Variants in COL19A1 observed in about 807,000 individuals in gnomAD.
COL19A1 encodes collagen type XIX alpha 1 chain, also known as collagen alpha-1(XIX) chain.
Under a neutral mutation model 190.2 loss-of-function variants are expected in COL19A1, and 159 were observed. That is an observed-to-expected ratio of 0.84 (90% CI 0.73 to 0.95). The LOEUF is 0.95. Among genes scored for constraint, COL19A1 ranks in the 40% least tolerant of loss-of-function variants. The pLI is 0.00. For missense variants in COL19A1, 1,418 were observed against 1,431.9 expected (o/e 0.99, Z 0.16); for synonymous variants, 509 against 458.9 (o/e 1.11, Z -1.39).
chr6:69,891,645 A>G (rs1289544252), intron 2 of COL19A1, among the ~76,000 whole-genome samples: 2 of 152,178 alleles, frequency 1.3e-5, no homozygotes, highest in Non-Finnish European at 2.9e-5. Flanking sequence ...ATGAGTGCCA[A>G]AGTGACTTTC....
intron 12 of COL19A1, among the ~76,000 whole-genome samples, chr6:70,027,557 CTGTGTGTGTG>C (rs10585617): frequency 6.7e-6 from 1 of 150,248 alleles, no homozygotes; most frequent in African/African-American, 2.4e-5. Flanking sequence ...TGTATCTTAA[CTGTGTGTGTG>C]TGTGTGTGTG....
At chr6:70,022,477 T>C (rs1002779774) in intron 11 of COL19A1, among the ~76,000 whole-genome samples, 9 of 152,188 alleles carry the variant, frequency 5.9e-5, no homozygotes, top group Non-Finnish European at 1.2e-4. Flanking sequence ...TGTGGGTAGA[T>C]GGTGTGCAGG....
At chr6:70,116,674 A>G (rs1784599305) in intron 16 of COL19A1, among the ~76,000 whole-genome samples, 1 of 152,188 alleles carries the variant, frequency 6.6e-6, no homozygotes, top group African/African-American at 2.4e-5. Flanking sequence ...TACAAAGGGA[A>G]AAATAATTAC....
intron 42 of COL19A1, among the ~76,000 whole-genome samples, chr6:70,178,137 C>T (rs1765930829): frequency 6.6e-6 from 1 of 152,224 alleles, no homozygotes; most frequent in Non-Finnish European, 1.5e-5. Flanking sequence ...CATGTAATCC[C>T]AGCACTCTGG....
chr6:70,146,567 T>G (rs1440079992), intron 25 of COL19A1, 92 bp from the exon 26 acceptor site: 1 of 900,958 alleles, frequency 1.1e-6, no homozygotes, highest in Non-Finnish European at 1.6e-6. Flanking sequence ...TCAAGCAAGA[T>G]GAAGAGTGAT....
intron 15 of COL19A1, among the ~76,000 whole-genome samples, chr6:70,075,072 G>A (rs1781804504): frequency 6.6e-6 from 1 of 151,964 alleles, no homozygotes; most frequent in Non-Finnish European, 1.5e-5. Flanking sequence ...GAAAATTCTT[G>A]GCATACAGAT....
chr6:70,135,843 A>G (rs571740678), intron 18 of COL19A1, among the ~76,000 whole-genome samples: 8 of 152,236 alleles, frequency 5.3e-5, no homozygotes, highest in African/African-American at 1.7e-4. Context: ...ATTCCAGGCT[A>G]ATGGACTTCC....
intron 24 of COL19A1, 85 bp from the exon 25 acceptor site, chr6:70,144,833 A>G: frequency 1.2e-6 from 1 of 833,980 alleles, no homozygotes; most frequent in Middle Eastern, 2.2e-4. Flanking sequence ...TATGATGACA[A>G]CTTAAAACAA....
chr6:70,169,073 CA>C (rs3831023), intron 40 of COL19A1, among the ~76,000 whole-genome samples: 6 of 150,392 alleles, frequency 4.0e-5, no homozygotes, highest in Admixed American at 2.6e-4. Context: ...ATCTCCCCAA[CA>C]AAAAAAAAGG....
intron 14 of COL19A1, among the ~76,000 whole-genome samples, chr6:70,066,409 T>C (rs1249772099): frequency 3.3e-5 from 5 of 149,540 alleles, no homozygotes; most frequent in Non-Finnish European, 7.4e-5. Context: ...TGAGAACACA[T>C]GGACACAGGA....
At chr6:69,954,974 C>A (rs892147883) in intron 9 of COL19A1, among the ~76,000 whole-genome samples, 1 of 152,136 alleles carries the variant, frequency 6.6e-6, no homozygotes, top group African/African-American at 2.4e-5. Flanking sequence ...ATGACACTGT[C>A]CTTCTCTTTA....
intron 48 of COL19A1, among the ~76,000 whole-genome samples, chr6:70,196,212 G>T (rs1229358185): frequency 6.6e-6 from 1 of 152,178 alleles, no homozygotes; most frequent in Non-Finnish European, 1.5e-5. Flanking sequence ...CCCTTTAGGA[G>T]AGAACTATAT....
At chr6:70,204,430 G>A (rs185696151) in intron 49 of COL19A1, among the ~76,000 whole-genome samples, 3 of 152,142 alleles carry the variant, frequency 2.0e-5, no homozygotes, top group African/African-American at 7.2e-5. Context: ...AAGTACTTGT[G>A]CAATTCAGTC....
intron 15 of COL19A1, among the ~76,000 whole-genome samples, chr6:70,084,719 T>C (rs1472671707): frequency 1.3e-5 from 2 of 152,198 alleles, no homozygotes; most frequent in Admixed American, 6.6e-5. Context: ...CCCTCTGCTG[T>C]AGAGTGGCTT....
intron 34 of COL19A1, among the ~76,000 whole-genome samples, chr6:70,157,999 G>A (rs1304905110): frequency 1.3e-5 from 2 of 152,004 alleles, no homozygotes; most frequent in Admixed American, 6.6e-5. Context: ...CACTTTAGCG[G>A]GCTTTTTCTT....
chr6:70,109,182 C>G (rs993278313), intron 16 of COL19A1, among the ~76,000 whole-genome samples: 2 of 152,022 alleles, frequency 1.3e-5, no homozygotes, highest in Non-Finnish European at 2.9e-5. Flanking sequence ...GGGGAATAAA[C>G]TGGGTAATGT....
At chr6:69,986,159 T>A (rs2150069801) in intron 11 of COL19A1, among the ~76,000 whole-genome samples, 1 of 150,422 alleles carries the variant, frequency 6.6e-6, no homozygotes, top group African/African-American at 2.4e-5. Context: ...TCAAATAACA[T>A]ACATAGAAAA....
At chr6:70,093,213 A>C (rs1350559383) in intron 15 of COL19A1, among the ~76,000 whole-genome samples, 1 of 152,184 alleles carries the variant, frequency 6.6e-6, no homozygotes, top group African/African-American at 2.4e-5. Flanking sequence ...CCCCTTCTCC[A>C]GTATGGGAGT....
At chr6:70,099,141 C>T (rs1176110963) in intron 15 of COL19A1, among the ~76,000 whole-genome samples, 2 of 151,056 alleles carry the variant, frequency 1.3e-5, no homozygotes, top group Admixed American at 1.3e-4. Flanking sequence ...TGCTCTAAAG[C>T]TTCCACCCAC....
Sources: gnomAD v4.1 joint callset for allele counts (sites outside exome capture counted in the v4.1 genomes callset) on GRCh38, gnomAD v4.1.1 for gene constraint, MANE v1.5 for transcripts, NCBI Gene and HGNC (gene_info 2026-07-23, HGNC 2026-07-21) for gene names.